FER: variants seen among roughly 807,000 people sequenced by gnomAD.
FER encodes the protein FER tyrosine kinase, also known as tyrosine-protein kinase Fer.
A neutral mutation model predicts 111.0 loss-of-function variants in FER; 63 were observed. The ratio of observed to expected loss-of-function variants is 0.57; its 90% CI spans 0.46 to 0.70. The LOEUF is 0.70. Ranked by LOEUF, FER falls within the 30% of genes least tolerant of loss-of-function variation. The pLI, the probability that FER is intolerant of heterozygous loss-of-function variation, is 0.00. For missense variants in FER, 914 were observed against 954.0 expected, an observed-to-expected ratio of 0.96 and a Z score of 0.55; for synonymous variants, 327 against 313.9, an observed-to-expected ratio of 1.04 and a Z score of -0.44.
chr5:108,993,593 G>GAGGGAGAGGGCA, intron 13 of FER, among the ~76,000 whole-genome samples: 3 of 113,334 alleles, frequency 2.6e-5, no homozygotes, highest in Non-Finnish European at 2.0e-5. Context: ...GGGAGAGGGA[G>GAGGGAGAGGGCA]AGGGCGAGGG....
intron 2 of FER, among the ~76,000 whole-genome samples, chr5:108,791,007 T>G (rs1469200229): frequency 6.6e-6 from 1 of 152,228 alleles, no homozygotes; most frequent in Non-Finnish European, 1.5e-5. Flanking sequence ...TTATATTCCA[T>G]TGTATGGATG....
intron 10 of FER, among the ~76,000 whole-genome samples, chr5:108,937,675 A>T (rs1220657986): frequency 6.6e-6 from 1 of 151,876 alleles, no homozygotes; most frequent in Non-Finnish European, 1.5e-5. Context: ...TAAATGTTTC[A>T]TGTAGGCATA....
At chr5:109,031,070 T>G (rs1233236820) in intron 13 of FER, among the ~76,000 whole-genome samples, 1 of 152,096 alleles carries the variant, frequency 6.6e-6, no homozygotes, top group African/African-American at 2.4e-5. Flanking sequence ...CTTAGCTGCT[T>G]ATTGTTAGTT....
chr5:108,990,344 A>G (rs1160782507), intron 13 of FER, among the ~76,000 whole-genome samples: 2 of 151,902 alleles, frequency 1.3e-5, no homozygotes, highest in Non-Finnish European at 3.0e-5. Context: ...GTTTCAATAT[A>G]CTAGACTTAG....
At chr5:108,990,749 A>C (rs1308076042) in intron 13 of FER, among the ~76,000 whole-genome samples, 1 of 151,720 alleles carries the variant, frequency 6.6e-6, no homozygotes, top group Non-Finnish European at 1.5e-5. Flanking sequence ...TATTCAGTGA[A>C]ATAGATGAGT....
At chr5:108,971,782 A>G (rs1464033541) in intron 13 of FER, among the ~76,000 whole-genome samples, 1 of 152,162 alleles carries the variant, frequency 6.6e-6, no homozygotes, top group African/African-American at 2.4e-5. Context: ...AAAAATTAGC[A>G]TTAAATACAT....
At chr5:109,004,527 A>G (rs539619630) in intron 13 of FER, among the ~76,000 whole-genome samples, 50 of 152,244 alleles carry the variant, frequency 3.3e-4, no homozygotes, top group Non-Finnish European at 6.6e-4. Context: ...GATATTATGC[A>G]GCCTATTAAA....
chr5:108,794,524 G>A (rs113427433), intron 2 of FER, among the ~76,000 whole-genome samples: 9,034 of 53,804 alleles, frequency 0.17, 429 homozygotes, highest in Middle Eastern at 0.24. Flanking sequence ...TGCCCCCTCC[G>A]CACCCCCCCC....
chr5:109,176,985 G>A (rs920228845), intron 17 of FER, among the ~76,000 whole-genome samples: 3 of 152,002 alleles, frequency 2.0e-5, no homozygotes, highest in African/African-American at 7.3e-5. Flanking sequence ...TTATAATAAT[G>A]TATGTATCTA....
chr5:108,849,478 G>GGTGTTGTTA (rs1561510257), intron 5 of FER, among the ~76,000 whole-genome samples: 1 of 151,392 alleles, frequency 6.6e-6, no homozygotes, highest in Non-Finnish European at 1.5e-5. Context: ...TGTTGTTGTT[G>GGTGTTGTTA]TTTTGTTTTG....
intron 17 of FER, among the ~76,000 whole-genome samples, chr5:109,170,795 A>G (rs760706800): frequency 2.0e-5 from 3 of 152,184 alleles, no homozygotes; most frequent in Non-Finnish European, 4.4e-5. Flanking sequence ...TGCATTCATT[A>G]GCTGCTGACA....
chr5:109,023,618 A>T (rs1397848933), intron 13 of FER, among the ~76,000 whole-genome samples: 2 of 151,474 alleles, frequency 1.3e-5, no homozygotes, highest in African/African-American at 4.8e-5. Flanking sequence ...GTCCATTTTT[A>T]TTCTCTATCT....
intron 13 of FER, among the ~76,000 whole-genome samples, chr5:109,004,919 T>A (rs1031769152): frequency 6.6e-6 from 1 of 152,096 alleles, no homozygotes; most frequent in Non-Finnish European, 1.5e-5. Flanking sequence ...TTGTTTTTTT[T>A]ATGTTTGTTT....
chr5:109,038,196 A>G lies in FER; in HGVS notation c.1713+718A>G, dbSNP rs191537899. Among the ~76,000 whole-genome samples the G allele has an allele frequency of 2.1e-3, 326 of 152,054 alleles. 1 individual carries two copies. The highest frequency in any genetic ancestry group is 7.3e-3 in the African/African-American group (302 of 41,564). On this transcript the variant is annotated intron_variant, in intron 14 of 19. Transcript: ENST00000281092. Reference sequence around the variant, plus strand: ...AACTTTTATTTATAATTGAGTTCCAATGAATAAGTATTCACTTTTTTGTCA... The same window carrying G: ...AACTTTTATTTATAATTGAGTTCCAGTGAATAAGTATTCACTTTTTTGTCA...
chr5:109,133,851 G>A (rs1218064586), intron 17 of FER, among the ~76,000 whole-genome samples: 1 of 152,068 alleles, frequency 6.6e-6, no homozygotes, highest in Non-Finnish European at 1.5e-5. Flanking sequence ...AAATGTTGCT[G>A]ATAGTTATTA....
chr5:109,124,874 G>A (rs1045494755), intron 17 of FER, among the ~76,000 whole-genome samples: 6 of 151,834 alleles, frequency 4.0e-5, no homozygotes, highest in East Asian at 3.9e-4. Context: ...GTGAAACCCC[G>A]TCTCCACTAA....
Position 109,100,530 on chromosome 5 carries a change from C to T in FER, c.2048+11C>T. 2 of 1,591,078 alleles carry T rather than the reference C, an allele frequency of 1.3e-6. No individual in the cohort carries two copies. Among genetic ancestry groups the T allele is most frequent in the Non-Finnish European group, 1.7e-6 (2 of 1,169,136 alleles). On this transcript the variant is annotated intron_variant, in intron 17 of 19. Coordinates refer to ENST00000281092, the MANE Select transcript of FER (RefSeq NM_005246.4). ...AAACTGTATACACAGGTAAGGAGAA[C>T]ATTTTTAAAGCAATTTTTGGTTTTA...
intron 16 of FER, among the ~76,000 whole-genome samples, chr5:109,053,108 C>T (rs1016771298): frequency 2.0e-5 from 3 of 151,946 alleles, no homozygotes; most frequent in Admixed American, 6.6e-5. Flanking sequence ...TGGAGGCGGC[C>T]GGGAACAGTG....
intron 16 of FER, among the ~76,000 whole-genome samples, chr5:109,080,762 A>G (rs539180841): frequency 5.3e-5 from 8 of 152,258 alleles, no homozygotes; most frequent in Admixed American, 5.2e-4. Flanking sequence ...ATAATGAGTA[A>G]AACATTATTC....
Sources: allele counts gnomAD v4.1 joint callset (sites outside exome capture counted in the v4.1 genomes callset), GRCh38; gene constraint gnomAD v4.1.1; transcripts MANE v1.5; gene names NCBI Gene and HGNC (gene_info 2026-07-23, HGNC 2026-07-21).